The following CDH4 variants were observed in gnomAD, a reference collection of about 807,000 sequenced individuals.
The protein encoded by CDH4 is cadherin 4.
CDH4 carries 33 observed loss-of-function variants against 86.0 expected under a neutral mutation model. That is an observed-to-expected ratio of 0.38 (90% CI 0.29 to 0.51). The LOEUF (loss-of-function observed/expected upper bound fraction) is 0.51. Ranked by LOEUF, CDH4 falls within the 20% of genes least tolerant of loss-of-function variation. The pLI, the probability that CDH4 is intolerant of heterozygous loss-of-function variation, is 0.86. For synonymous variants in CDH4, 555 were observed against 549.4 expected, an observed-to-expected ratio of 1.01 and a Z score of -0.14; for missense variants, 1,114 against 1,307.4, an observed-to-expected ratio of 0.85 and a Z score of 2.28.
rs561449115 is a variant in CDH4 at position 61,488,025 on chromosome 20, T to C, written c.169+233088T>C. Among the ~76,000 whole-genome samples, 330 of 152,350 alleles carry C rather than the reference T, an allele frequency of 2.2e-3. 3 individuals are homozygous for C. Among genetic ancestry groups the C allele is most frequent in the African/African-American group, 7.6e-3 (317 of 41,578 alleles). ...CAAATGGAGGCAGTTCAATCGATGATTCTGTGGGAGGAGAAGGGCAGAATA... is the reference window on the plus strand; with the variant it reads ...CAAATGGAGGCAGTTCAATCGATGACTCTGTGGGAGGAGAAGGGCAGAATA... On this transcript the variant is annotated intron_variant, in intron 2 of 15. Coordinates refer to ENST00000614565, the MANE Select transcript of CDH4 (RefSeq NM_001794.5).
chr20:61,477,830 C>T (rs2085547485), intron 2 of CDH4, among the ~76,000 whole-genome samples: 1 of 152,160 alleles, frequency 6.6e-6, no homozygotes, highest in South Asian at 2.1e-4. Flanking sequence ...AGCTCATGAT[C>T]CCGTTGCTGG....
rs573579085 is a variant in CDH4, at chr20:61,521,771, C to T, written c.170-221792C>T. ...GAAGAGCCTCTCAGGATCTCTGGTT[C>T]GTGAGCCCGGCCGTCTGTATCTCTC... On this transcript the variant is annotated intron_variant, in intron 2 of 15. Coordinates refer to ENST00000614565, the MANE Select transcript of CDH4 (RefSeq NM_001794.5). 4.6e-5 allele frequency among the ~76,000 whole-genome samples: 7 copies of T among 152,070 alleles called. No individual in the cohort carries two copies. In the South Asian group the frequency reaches 1.5e-3, roughly 32 times the overall value.
rs115144864 is a variant in CDH4 at position 61,260,048 on chromosome 20, G to A, written c.169+5111G>A. Among the ~76,000 whole-genome samples, 685 of 152,288 alleles carry A rather than the reference G, an allele frequency of 4.5e-3. 6 individuals carry two copies. Among genetic ancestry groups the A allele is most frequent in the African/African-American group, 0.016 (657 of 41,558 alleles). On this transcript the variant is annotated intron_variant, in intron 2 of 15. Transcript: ENST00000614565. The stretch of plus-strand genomic sequence containing the variant: ...CTGGACTCATTGTCTCCTGAGTGGT[G>A]AGAAAAATAAGGTCAAAACACCACG...
At chr20:61,302,484 G>A (rs1568789063) in intron 2 of CDH4, among the ~76,000 whole-genome samples, 1 of 146,894 alleles carries the variant, frequency 6.8e-6, no homozygotes, top group Non-Finnish European at 1.5e-5. Context: ...CTTGGCCTGG[G>A]TTGGGGGGGG....
Position 61,676,074 on chromosome 20 carries a change from TG to T in CDH4, c.170-67483del, listed in dbSNP as rs1468049177. On this transcript the variant is annotated intron_variant, in intron 2 of 15. Transcript: ENST00000614565. This position sits in a 1 kb window ranked among gnomAD's most constrained non-coding sequence, Gnocchi z 4.5. ...ACAGATAATGTAATTGGGCAGTCGG[TG>T]GGGGGAGCCTCAGCGAGGACCGAGT... 1.3e-5 allele frequency among the ~76,000 whole-genome samples: 2 copies of T among 151,962 alleles called. No individual in the cohort carries two copies. Among genetic ancestry groups the T allele is most frequent in the Non-Finnish European group, 2.9e-5 (2 of 67,992 alleles).
chr20:61,402,790 A>G (rs558255923), intron 2 of CDH4, among the ~76,000 whole-genome samples: 3 of 152,232 alleles, frequency 2.0e-5, no homozygotes, highest in African/African-American at 7.2e-5. Flanking sequence ...ATAGCATCTT[A>G]TCTGAAACAG....
chr20:61,658,215 T>A (rs6121449), intron 2 of CDH4, among the ~76,000 whole-genome samples: 3 of 151,584 alleles, frequency 2.0e-5, no homozygotes, highest in East Asian at 3.9e-4. Flanking sequence ...CCATCCTCCC[T>A]TCCAAGTTCC....
chr20:61,744,929 G>A (rs1256374636), intron 3 of CDH4, among the ~76,000 whole-genome samples: 1 of 152,212 alleles, frequency 6.6e-6, no homozygotes, highest in African/African-American at 2.4e-5. Context: ...TGCTGAAGAA[G>A]CTGCAACCAG....
chr20:61,499,195 G>A (rs1241666842), intron 2 of CDH4, among the ~76,000 whole-genome samples: 5 of 152,348 alleles, frequency 3.3e-5, no homozygotes, highest in African/African-American at 1.2e-4. Context: ...GTAGCTCCTG[G>A]AGCCCTGGTT....
At chr20:61,408,292 G>T (rs2085095560) in intron 2 of CDH4, among the ~76,000 whole-genome samples, 1 of 152,166 alleles carries the variant, frequency 6.6e-6, no homozygotes, top group Non-Finnish European at 1.5e-5. Context: ...TCTCAGGGGA[G>T]CCATTGTCTT....
At chr20:61,558,277 G>A (rs951412188) in intron 2 of CDH4, among the ~76,000 whole-genome samples, 3 of 152,174 alleles carry the variant, frequency 2.0e-5, no homozygotes, top group Middle Eastern at 3.4e-3. Context: ...CTGTCCCTGG[G>A]CAGAGTTGGT....
At chr20:61,270,830 G>C (rs542613054) in intron 2 of CDH4, among the ~76,000 whole-genome samples, 2 of 152,254 alleles carry the variant, frequency 1.3e-5, no homozygotes, top group Admixed American at 1.3e-4. Flanking sequence ...CCTTTGCGGG[G>C]AGGTCGAGGC....
chr20:61,299,920 G>A (rs1200060696), intron 2 of CDH4, among the ~76,000 whole-genome samples: 2 of 152,210 alleles, frequency 1.3e-5, no homozygotes, highest in South Asian at 4.1e-4. Context: ...GGTGTGTGGG[G>A]TTAGAGCCTT....
chr20:61,306,196 A>G (rs542734452), intron 2 of CDH4, among the ~76,000 whole-genome samples: 1 of 152,324 alleles, frequency 6.6e-6, no homozygotes, highest in Admixed American at 6.5e-5. Context: ...GCATGATTAG[A>G]TAGATGATTG....
chr20:61,382,676 G>A lies in CDH4; in HGVS notation c.169+127739G>A, dbSNP rs7264672. Reference sequence around the variant, plus strand: ...GCTTCCGGGGAGGCCCCTGCCTCACGTCTTCCAGCCTTGGGCGGCCATGTC... The same window carrying A: ...GCTTCCGGGGAGGCCCCTGCCTCACATCTTCCAGCCTTGGGCGGCCATGTC... On this transcript the variant is annotated intron_variant, in intron 2 of 15. Transcript: ENST00000614565. Among the ~76,000 whole-genome samples, 42 of 152,146 alleles carry A rather than the reference G, an allele frequency of 2.8e-4. No homozygotes were observed. The Middle Eastern group carries it at 0.014, about 49-fold the overall frequency.
At chr20:61,690,877 G>C (rs1213169787) in intron 2 of CDH4, among the ~76,000 whole-genome samples, 2 of 152,094 alleles carry the variant, frequency 1.3e-5, no homozygotes, top group Non-Finnish European at 2.9e-5. Context: ...CCAAGCAGAG[G>C]CATTTCTGGA....
At chr20:61,276,807 T>A (rs558502243) in intron 2 of CDH4, among the ~76,000 whole-genome samples, 2 of 152,340 alleles carry the variant, frequency 1.3e-5, no homozygotes, top group East Asian at 3.9e-4. Flanking sequence ...GCACTTTTCA[T>A]GAATGGATCA....
At chr20:61,718,623 C>T (rs1168748783) in intron 2 of CDH4, 2 of 371,226 alleles carry the variant, frequency 5.4e-6, no homozygotes, top group African/African-American at 4.3e-5. Flanking sequence ...GACTGGGTGT[C>T]CTAAGGTGAA....
At chr20:61,415,036 A>G (rs1214321714) in intron 2 of CDH4, among the ~76,000 whole-genome samples, 1 of 152,240 alleles carries the variant, frequency 6.6e-6, no homozygotes, top group Non-Finnish European at 1.5e-5. Context: ...CTTTTCCGCT[A>G]GCTGGAAATT....
Sources: allele counts gnomAD v4.1 joint callset (sites outside exome capture counted in the v4.1 genomes callset), GRCh38; gene constraint gnomAD v4.1.1; non-coding constraint Gnocchi (gnomAD v3.1); transcripts MANE v1.5; gene names NCBI Gene and HGNC (gene_info 2026-07-23, HGNC 2026-07-21).